Variants in PCDHA9 observed in about 807,000 individuals in gnomAD.
The protein encoded by PCDHA9 is protocadherin alpha-9.
A neutral mutation model predicts 62.0 loss-of-function variants in PCDHA9; 62 were observed. That is an observed-to-expected ratio of 1.00 (90% CI 0.81 to 1.23). The LOEUF (loss-of-function observed/expected upper bound fraction) is 1.23, where lower values mean the gene tolerates loss of function less well. PCDHA9 is among the 50% of genes most tolerant of loss of function. PCDHA9 has a pLI of 0.00. For missense variants in PCDHA9, 1,205 were observed against 1,249.8 expected (o/e 0.96, Z 0.54); for synonymous variants, 557 against 567.6 (o/e 0.98, Z 0.27).
intron 1 of PCDHA9, among the ~76,000 whole-genome samples, chr5:140,907,247 T>C (rs1328809549): frequency 1.3e-5 from 2 of 152,216 alleles, no homozygotes; most frequent in Non-Finnish European, 2.9e-5. Context: ...GACATTGTAA[T>C]TGTGACTTCA....
chr5:140,856,649 C>T, intron 1 of PCDHA9: 1 of 1,598,072 alleles, frequency 6.3e-7, no homozygotes, highest in South Asian at 1.1e-5. Context: ...GCTGCTGGAT[C>T]GTGAAGAAAA....
At chr5:140,962,665 C>G (rs1457197885) in intron 1 of PCDHA9, among the ~76,000 whole-genome samples, 1 of 152,146 alleles carries the variant, frequency 6.6e-6, no homozygotes, top group African/African-American at 2.4e-5. Context: ...TTTTCATCTT[C>G]CCATCCACTG....
chr5:140,855,718 G>T (rs1468611504), intron 1 of PCDHA9, among the ~76,000 whole-genome samples: 1 of 149,568 alleles, frequency 6.7e-6, no homozygotes, highest in Non-Finnish European at 1.5e-5. Flanking sequence ...AACATTTATT[G>T]TTATTAACTA....
chr5:141,010,293 G>A lies in PCDHA9; in HGVS notation c.*356G>A. ...ATCCTGTCTTGATGACACTTGCAGG[G>A]CAGGCTGAAAAGTTTTGAGATTGAG... On this transcript the variant is annotated 3_prime_UTR_variant, in exon 4 of 4. Transcript: ENST00000532602. The A allele has an allele frequency of 6.5e-7, 1 of 1,549,794 alleles. No individual in the cohort carries two copies. The highest frequency in any genetic ancestry group is 2.4e-5 in the East Asian group (1 of 40,902).
chr5:141,003,724 A>C (rs575036478), intron 3 of PCDHA9, among the ~76,000 whole-genome samples: 2 of 151,950 alleles, frequency 1.3e-5, no homozygotes, highest in African/African-American at 4.8e-5. Flanking sequence ...CGGCTAATCC[A>C]ATAAAAAAGC....
In PCDHA9 at chr5:140,915,351, C is replaced by G. The variant is rs75854979; in HGVS notation, c.2395-63598C>G. Among the ~76,000 whole-genome samples, 843 of 152,202 alleles carry G rather than the reference C, an allele frequency of 5.5e-3. 10 individuals carry two copies. Among genetic ancestry groups the G allele is most frequent in the African/African-American group, 0.019 (796 of 41,530 alleles). On this transcript the variant is annotated intron_variant, in intron 1 of 3. Coordinates refer to ENST00000532602, the MANE Select transcript of PCDHA9 (RefSeq NM_031857.2). ...TAATATTCTGTGTTTTTCTGTATGC[C>G]TATTCTTACCAGTAAGTGTCTCGGC...
intron 1 of PCDHA9, among the ~76,000 whole-genome samples, chr5:140,950,864 A>G (rs1014752748): frequency 1.3e-5 from 2 of 151,930 alleles, no homozygotes; most frequent in Non-Finnish European, 2.9e-5. Context: ...ATTCTTGTAT[A>G]TTCTATATTG....
intron 1 of PCDHA9, among the ~76,000 whole-genome samples, chr5:140,936,910 G>A (rs1221304306): frequency 6.6e-6 from 1 of 152,062 alleles, no homozygotes; most frequent in African/African-American, 2.4e-5. Context: ...TATTGAATCT[G>A]TAGAAAATAT....
intron 3 of PCDHA9, among the ~76,000 whole-genome samples, chr5:141,003,892 C>T (rs1401621234): frequency 6.6e-6 from 1 of 152,124 alleles, no homozygotes; most frequent in South Asian, 2.1e-4. Context: ...TCTTAACAGG[C>T]CCATTCATTT....
At chr5:140,915,626 G>GTCTC (rs57920489) in intron 1 of PCDHA9, among the ~76,000 whole-genome samples, 42,931 of 146,342 alleles carry the variant, frequency 0.29, 6,396 homozygotes, top group East Asian at 0.48. Context: ...GTCTCTTTCT[G>GTCTC]TCTCTCTCTC....
Position 140,850,745 on chromosome 5 carries a change from C to G in PCDHA9, c.2250C>G (p.Tyr750Ter). 1 of 1,597,954 alleles carries G rather than the reference C, an allele frequency of 6.3e-7. No individual in the cohort carries two copies. The highest frequency in any genetic ancestry group is 8.6e-7 in the Non-Finnish European group (1 of 1,167,608). The part of the protein sequence containing the change: ...VCSSAVGSWS[Y>*]SQQRRQRVCS... ...CTAGCGCGGTGGGGAGTTGGTCGTACTCGCAGCAGAGGAGGCAGAGGGTGT... is the reference window on the plus strand; with the variant it reads ...CTAGCGCGGTGGGGAGTTGGTCGTAGTCGCAGCAGAGGAGGCAGAGGGTGT... Residue 750 changes from tyrosine (Y) to a stop codon, truncating the protein, a stop_gained, in exon 1 of 4, where the codon TAC becomes TAG. Coordinates refer to ENST00000532602, the MANE Select transcript of PCDHA9 (RefSeq NM_031857.2). LOFTEE classifies it high-confidence loss of function.
intron 3 of PCDHA9, among the ~76,000 whole-genome samples, chr5:141,007,395 CA>C (rs35800918): frequency 0.59 from 55,851 of 95,076 alleles, 14,598 homozygotes; most frequent in African/African-American, 0.74. Context: ...TACTAAAATA[CA>C]AAAAAAAAAA....
intron 1 of PCDHA9, chr5:140,876,441 T>C (rs1582281358): frequency 6.2e-7 from 1 of 1,613,992 alleles, no homozygotes; most frequent in East Asian, 2.2e-5. Flanking sequence ...TTAACGCCAT[T>C]GATAAAGGGA....
chr5:140,895,733 G>C (rs1554186620), intron 1 of PCDHA9, among the ~76,000 whole-genome samples: 1 of 152,030 alleles, frequency 6.6e-6, no homozygotes, highest in Non-Finnish European at 1.5e-5. Context: ...CCATTCAATG[G>C]GCTGCAAAGG....
At chr5:140,983,470 A>G (rs782117929) in intron 3 of PCDHA9, among the ~76,000 whole-genome samples, 16 of 152,224 alleles carry the variant, frequency 1.1e-4, no homozygotes, top group Non-Finnish European at 1.5e-4. Context: ...CATCATGATG[A>G]TAATAGTAGT....
At chr5:140,927,989 A>T (rs2084847354) in intron 1 of PCDHA9, 1 of 1,614,208 alleles carries the variant, frequency 6.2e-7, no homozygotes, top group African/African-American at 1.3e-5. Flanking sequence ...AGTGTAAAGG[A>T]TGAAGACCTC....
chr5:140,859,706 C>T (rs1311210067), intron 1 of PCDHA9: 1 of 153,842 alleles, frequency 6.5e-6, no homozygotes, highest in Non-Finnish European at 1.4e-5. Context: ...AGTTTAGGAA[C>T]ACCAAAAAAA....
At chr5:140,868,281 T>G (rs2050378347) in intron 1 of PCDHA9, 1 of 152,066 alleles carries the variant, frequency 6.6e-6, no homozygotes, top group Non-Finnish European at 1.5e-5. Flanking sequence ...AACTACCAAG[T>G]TTGAGAATAT....
At chr5:141,005,809 C>T (rs1554260384) in intron 3 of PCDHA9, among the ~76,000 whole-genome samples, 1 of 150,480 alleles carries the variant, frequency 6.6e-6, no homozygotes, top group Admixed American at 6.6e-5. Flanking sequence ...TCCAAGGAGC[C>T]AGGTATGGTG....
Sources: gnomAD v4.1 joint callset for allele counts (sites outside exome capture counted in the v4.1 genomes callset) on GRCh38, gnomAD v4.1.1 for gene constraint, MANE v1.5 for transcripts, NCBI Gene and HGNC (gene_info 2026-07-23, HGNC 2026-07-21) for gene names.